The following EHBP1 variants were observed in gnomAD, a reference collection of about 807,000 sequenced individuals.
EHBP1 encodes EH domain-binding protein 1.
In EHBP1, 55 loss-of-function variants were observed where a neutral mutation model predicts 144.0. That is an observed-to-expected ratio of 0.38 (90% CI 0.31 to 0.48). The LOEUF is 0.48. Ranked by LOEUF, EHBP1 falls within the 20% of genes least tolerant of loss-of-function variation. The pLI is 0.98. For synonymous variants in EHBP1, 469 were observed against 472.7 expected, an observed-to-expected ratio of 0.99 and a Z score of 0.10; for missense variants, 1,200 against 1,364.2, an observed-to-expected ratio of 0.88 and a Z score of 1.90.
At chr2:62,917,842 T>G (rs1292787636) in intron 10 of EHBP1, among the ~76,000 whole-genome samples, 1 of 152,086 alleles carries the variant, frequency 6.6e-6, no homozygotes, top group Non-Finnish European at 1.5e-5. Context: ...TCCCAGCACT[T>G]TGATTTCTGA....
Position 62,764,335 on chromosome 2 carries a change from A to G in EHBP1, c.232A>G (p.Ile78Val), listed in dbSNP as rs781545255. The G allele has an allele frequency of 1.3e-6, 2 of 1,584,734 alleles. No individual in the cohort carries two copies. Among genetic ancestry groups the G allele is most frequent in the Non-Finnish European group, 1.7e-6 (2 of 1,168,452 alleles). ...GVVVWPVPENIEITVTLFKDP... is the reference protein window; with the variant it reads ...GVVVWPVPENVEITVTLFKDP... The stretch of plus-strand genomic sequence containing the variant: ...TGTTGTGTGGCCTGTTCCTGAAAAC[A>G]TTGAAATCACTGTAACACTTTTTAA... The change falls in exon 4 of 23, where the codon ATT (isoleucine) becomes GTT (valine). Residue 78 changes from isoleucine to valine, a missense_variant. Physicochemically the swap from Ile to Val is conservative, Grantham distance 29 (BLOSUM62 3). Coordinates refer to ENST00000431489, the MANE Select transcript of EHBP1 (RefSeq NM_001142616.3).
Position 62,731,539 on chromosome 2 carries a change from T to C in EHBP1, c.105-15856T>C, listed in dbSNP as rs2037602098. ...TAAGTATAACGTTATCCTTAGGTTT[T>C]TTGGTAGACGTTCTTTATCAAGTTG... On this transcript the variant is annotated intron_variant, in intron 2 of 22. Transcript: ENST00000431489. 2.0e-5 allele frequency among the ~76,000 whole-genome samples: 3 copies of C among 152,194 alleles called. No homozygotes were observed. In the South Asian group the frequency reaches 6.2e-4, roughly 32 times the overall value.
intron 2 of EHBP1, among the ~76,000 whole-genome samples, chr2:62,744,272 CCTGT>C (rs1206954407): frequency 1.9e-4 from 29 of 152,172 alleles, no homozygotes; most frequent in African/African-American, 6.5e-4. Context: ...TCTCTGAAAC[CCTGT>C]CTATCAGGTT....
intron 7 of EHBP1, chr2:62,858,428 T>C (rs1414333075): frequency 6.2e-7 from 1 of 1,608,698 alleles, no homozygotes; most frequent in Non-Finnish European, 8.5e-7. Context: ...AGTTGAATGC[T>C]CTGAGCAGCT....
intron 19 of EHBP1, among the ~76,000 whole-genome samples, chr2:63,024,393 TAGGTGTTCA>T (rs2060885759): frequency 6.6e-6 from 1 of 151,940 alleles, no homozygotes; most frequent in African/African-American, 2.4e-5. Context: ...TACTTGCGCC[TAGGTGTTCA>T]AGACCAGCTG....
At chr2:63,000,326 T>C (rs148053798) in intron 19 of EHBP1, among the ~76,000 whole-genome samples, 1 of 152,126 alleles carries the variant, frequency 6.6e-6, no homozygotes, top group East Asian at 1.9e-4. Flanking sequence ...TGTTCAGTAA[T>C]CCTAAATCAG....
chr2:62,851,951 A>G lies in EHBP1; in HGVS notation c.635-7218A>G, dbSNP rs545058162. On this transcript the variant is annotated intron_variant, in intron 7 of 22. Coordinates refer to ENST00000431489, the MANE Select transcript of EHBP1 (RefSeq NM_001142616.3). ...GATTTTAGATGTCACCAAAAGCATG[A>G]TGATGAGGAAGACATACTCTAAGCA... is the stretch of plus-strand genomic sequence containing the variant. Among the ~76,000 whole-genome samples, 17 of 152,290 alleles carry G rather than the reference A, an allele frequency of 1.1e-4. 1 individual carries two copies. The South Asian group carries it at 3.5e-3, about 32-fold the overall frequency.
intron 5 of EHBP1, among the ~76,000 whole-genome samples, chr2:62,796,607 A>G (rs984298049): frequency 1.3e-5 from 2 of 152,168 alleles, no homozygotes; most frequent in Admixed American, 6.5e-5. Flanking sequence ...AAAATGTAAA[A>G]TTTTAATCAT....
At chr2:62,875,234 C>G (rs1269122412) in intron 10 of EHBP1, among the ~76,000 whole-genome samples, 1 of 152,220 alleles carries the variant, frequency 6.6e-6, no homozygotes, top group South Asian at 2.1e-4. Context: ...GCCAGCACCC[C>G]ACATCAGAGT....
intron 5 of EHBP1, among the ~76,000 whole-genome samples, chr2:62,780,292 G>C (rs2042335263): frequency 6.6e-6 from 1 of 151,980 alleles, no homozygotes; most frequent in South Asian, 2.1e-4. Flanking sequence ...GTTCAGACAG[G>C]CTTTTTTAGT....
At chr2:62,769,176 A>C (rs760373863) in intron 4 of EHBP1, among the ~76,000 whole-genome samples, 2 of 152,224 alleles carry the variant, frequency 1.3e-5, no homozygotes, top group African/African-American at 4.8e-5. Flanking sequence ...AGGCAAGAGA[A>C]AGAAATAAAG....
intron 5 of EHBP1, among the ~76,000 whole-genome samples, chr2:62,783,114 A>G (rs1056123196): frequency 6.6e-6 from 1 of 152,202 alleles, no homozygotes; most frequent in African/African-American, 2.4e-5. Flanking sequence ...ATTAAACCTT[A>G]AAGTTCCAAA....
chr2:62,887,678 G>A (rs1427165715), intron 10 of EHBP1, among the ~76,000 whole-genome samples: 8 of 152,032 alleles, frequency 5.3e-5, no homozygotes, highest in Non-Finnish European at 1.2e-4. Flanking sequence ...AGCGGAGGTC[G>A]TGGTGAGCCA....
At chr2:62,720,573 A>G (rs1213004155) in intron 2 of EHBP1, among the ~76,000 whole-genome samples, 2 of 152,216 alleles carry the variant, frequency 1.3e-5, no homozygotes, top group Admixed American at 1.3e-4. Context: ...TATTCATGCA[A>G]TAAGTGGGTC....
At chr2:62,985,817 T>C (rs2153217849) in intron 15 of EHBP1, among the ~76,000 whole-genome samples, 1 of 152,346 alleles carries the variant, frequency 6.6e-6, no homozygotes, top group East Asian at 1.9e-4. Flanking sequence ...GAATAATCTC[T>C]TTATCTTTTG....
chr2:62,871,414 C>T (rs1269445073), intron 9 of EHBP1, among the ~76,000 whole-genome samples: 1 of 152,128 alleles, frequency 6.6e-6, no homozygotes, highest in African/African-American at 2.4e-5. Flanking sequence ...TCTGGGGTTA[C>T]CAGAGGGAGC....
intron 7 of EHBP1, among the ~76,000 whole-genome samples, chr2:62,856,828 A>G (rs934180003): frequency 4.6e-5 from 7 of 152,376 alleles, no homozygotes; most frequent in African/African-American, 1.7e-4. Context: ...AAGGTGGCAG[A>G]TGGAATTAAG....
At chr2:62,841,213 C>G (rs1416217789) in intron 7 of EHBP1, among the ~76,000 whole-genome samples, 2 of 151,880 alleles carry the variant, frequency 1.3e-5, no homozygotes, top group Non-Finnish European at 2.9e-5. Context: ...AATTGGAAAT[C>G]AGCATTCTCA....
intron 14 of EHBP1, among the ~76,000 whole-genome samples, chr2:62,978,491 G>A (rs772297457): frequency 4.6e-5 from 7 of 152,144 alleles, no homozygotes; most frequent in African/African-American, 1.7e-4. Context: ...GTGAGCCACC[G>A]TGCCCAGCCA....
Sources: gnomAD v4.1 joint callset for allele counts (sites outside exome capture counted in the v4.1 genomes callset) on GRCh38, gnomAD v4.1.1 for gene constraint, MANE v1.5 for transcripts, NCBI Gene and HGNC (gene_info 2026-07-23, HGNC 2026-07-21) for gene names.